The following SLCO6A1 variants were observed in gnomAD, a reference collection of about 807,000 sequenced individuals.
The protein encoded by SLCO6A1 is cancer/testis antigen 48.
A neutral mutation model predicts 72.7 loss-of-function variants in SLCO6A1; 65 were observed. That is an observed-to-expected ratio of 0.89 (90% CI 0.73 to 1.10). The LOEUF is 1.10. SLCO6A1 is among the 50% of genes least tolerant of loss of function. The pLI is 0.00. For synonymous variants in SLCO6A1, 314 were observed against 298.2 expected (o/e 1.05, Z -0.55); for missense variants, 874 against 872.6 (o/e 1.00, Z -0.02).
At chr5:102,426,943 G>T (rs1207812850) in intron 7 of SLCO6A1, among the ~76,000 whole-genome samples, 1 of 140,588 alleles carries the variant, frequency 7.1e-6, no homozygotes, top group Non-Finnish European at 1.5e-5. Flanking sequence ...CAGCCATAAA[G>T]AAGATTGAGT....
chr5:102,394,097 G>A (rs1297350332), intron 10 of SLCO6A1, among the ~76,000 whole-genome samples: 1 of 152,096 alleles, frequency 6.6e-6, no homozygotes, highest in Non-Finnish European at 1.5e-5. Context: ...TAGATGCCCA[G>A]TTCACCTCTG....
intron 8 of SLCO6A1, among the ~76,000 whole-genome samples, chr5:102,416,063 T>C (rs1054017819): frequency 3.9e-5 from 6 of 151,996 alleles, no homozygotes; most frequent in Admixed American, 3.3e-4. Context: ...ATAACAGATG[T>C]TAGAAAAGAT....
chr5:102,405,430 TAAAAC>T (rs1245131463), intron 9 of SLCO6A1, among the ~76,000 whole-genome samples: 2 of 151,786 alleles, frequency 1.3e-5, no homozygotes, highest in Non-Finnish European at 2.9e-5. Context: ...AATAGCTAGA[TAAAAC>T]AATATATATT....
At chr5:102,400,412 T>G (rs934476577) in intron 9 of SLCO6A1, among the ~76,000 whole-genome samples, 1 of 152,002 alleles carries the variant, frequency 6.6e-6, no homozygotes, top group African/African-American at 2.4e-5. Context: ...TATTAATTTT[T>G]TAGTGAAGAA....
At chr5:102,426,548 G>A (rs1398801797) in intron 7 of SLCO6A1, among the ~76,000 whole-genome samples, 1 of 152,182 alleles carries the variant, frequency 6.6e-6, no homozygotes, top group Non-Finnish European at 1.5e-5. Flanking sequence ...TTAGAGAAAT[G>A]CAAATCAAAA....
chr5:102,450,312 A>G (rs1211840751), intron 6 of SLCO6A1, among the ~76,000 whole-genome samples: 1 of 152,066 alleles, frequency 6.6e-6, no homozygotes, highest in Non-Finnish European at 1.5e-5. Flanking sequence ...TCATTTCTGG[A>G]TGTTTTCAGA....
Position 102,458,400 on chromosome 5 carries a change from A to C in SLCO6A1, c.1113T>G (p.Asp371Glu), listed in dbSNP as rs143921763. 13 of 1,611,210 alleles carry C rather than the reference A, an allele frequency of 8.1e-6. No individual in the cohort carries two copies. In the African/African-American group the frequency reaches 1.6e-4, roughly 20 times the overall value. ...KDLKLGTNIK[D>E]LCAALWILMK... Reference sequence around the variant, plus strand: ...ACTTTACCCAAAGAGCAGCACATAAATCCTTGATATTAGTTCCAAGTTTCA... The same window carrying C: ...ACTTTACCCAAAGAGCAGCACATAACTCCTTGATATTAGTTCCAAGTTTCA... The change falls in exon 6 of 14, where the codon GAT becomes GAG. Residue 371 changes from aspartate to glutamate, a missense_variant. Physicochemically the swap from Asp to Glu is conservative, Grantham distance 45. Transcript: ENST00000506729.
chr5:102,489,108 A>C (rs957546677), intron 1 of SLCO6A1, among the ~76,000 whole-genome samples: 12 of 152,210 alleles, frequency 7.9e-5, no homozygotes, highest in African/African-American at 2.9e-4. Flanking sequence ...GTCATCAAGA[A>C]ATTGAGCAAT....
At position 102,480,417 on chromosome 5, in the gene SLCO6A1, T is replaced by A. The variant is rs1246886744; in HGVS notation, c.376A>T (p.Ile126Leu). 6.2e-7 allele frequency: 1 copy of A among 1,612,660 alleles called. No individual in the cohort carries two copies. The highest frequency in any genetic ancestry group is 8.5e-7 in the Non-Finnish European group (1 of 1,179,362). The change falls in exon 2 of 14, where the codon ATA becomes TTA. Residue 126 changes from isoleucine to leucine, a missense_variant. Ile to Leu is a conservative substitution (Grantham distance 5, BLOSUM62 2). Transcript: ENST00000506729. Reference protein sequence around the residue: ...LICQGVVFGLIDVSIGDFQKE... With the variant: ...LICQGVVFGLLDVSIGDFQKE... ...TGAAAATCGCCAATGCTGACATCTA[T>A]AAGACCAAACACCACACCTAAAATG...
intron 6 of SLCO6A1, among the ~76,000 whole-genome samples, chr5:102,444,326 A>G (rs1580438168): frequency 1.3e-5 from 2 of 152,268 alleles, no homozygotes; most frequent in East Asian, 3.9e-4. Flanking sequence ...TCTTTCAAGC[A>G]TTGATTTACT....
At chr5:102,485,332 C>T (rs988332113) in intron 1 of SLCO6A1, among the ~76,000 whole-genome samples, 5 of 151,672 alleles carry the variant, frequency 3.3e-5, no homozygotes, top group African/African-American at 7.3e-5. Flanking sequence ...ACTGGCTCTT[C>T]GGTGGCTCCC....
intron 1 of SLCO6A1, 31 bp from the exon 2 acceptor site, chr5:102,480,465 C>T (rs17151033): frequency 0.058 from 91,952 of 1,579,456 alleles, 3,068 homozygotes; most frequent in African/African-American, 0.1. Context: ...GAGAAAACAA[C>T]GATATGCATT....
At chr5:102,484,737 C>G (rs528539995) in intron 1 of SLCO6A1, among the ~76,000 whole-genome samples, 1 of 152,070 alleles carries the variant, frequency 6.6e-6, no homozygotes, top group South Asian at 2.1e-4. Flanking sequence ...TAAAACATTT[C>G]CAAGCATTTT....
chr5:102,380,127 C>G (rs1277558052), intron 12 of SLCO6A1, among the ~76,000 whole-genome samples: 3 of 151,754 alleles, frequency 2.0e-5, no homozygotes, highest in Admixed American at 1.3e-4. Flanking sequence ...GATATGGGTG[C>G]TAATTACAGG....
intron 6 of SLCO6A1, among the ~76,000 whole-genome samples, chr5:102,451,231 C>T (rs751522896): frequency 6.6e-5 from 10 of 152,144 alleles, no homozygotes; most frequent in Non-Finnish European, 1.2e-4. Context: ...CAGGCCTGTC[C>T]GTTACCTCTG....
chr5:102,434,100 A>T (rs1749372841), intron 7 of SLCO6A1, among the ~76,000 whole-genome samples: 1 of 151,944 alleles, frequency 6.6e-6, no homozygotes, highest in African/African-American at 2.4e-5. Context: ...CATAACTACT[A>T]ATATATTTAT....
chr5:102,412,659 G>A (rs1741126124), intron 9 of SLCO6A1, among the ~76,000 whole-genome samples: 1 of 151,984 alleles, frequency 6.6e-6, no homozygotes, highest in South Asian at 2.1e-4. Context: ...TATCCTGTAG[G>A]CTGAGGTGGG....
At chr5:102,389,452 A>ACCCCCCCCCCCCCCCCC (rs1203152155) in intron 11 of SLCO6A1, among the ~76,000 whole-genome samples, 2 of 58,080 alleles carry the variant, frequency 3.4e-5, no homozygotes, top group Non-Finnish European at 3.3e-5. Context: ...CCCGCCCCCC[A>ACCCCCCCCCCCCCCCCC]CCCCCACACA....
At chr5:102,380,835 C>T (rs1322168689) in intron 12 of SLCO6A1, among the ~76,000 whole-genome samples, 2 of 151,942 alleles carry the variant, frequency 1.3e-5, no homozygotes, top group Non-Finnish European at 2.9e-5. Flanking sequence ...GCTCCTCTAA[C>T]GTATTAAGAG....
Sources: gnomAD v4.1 joint callset for allele counts (sites outside exome capture counted in the v4.1 genomes callset) on GRCh38, gnomAD v4.1.1 for gene constraint, MANE v1.5 for transcripts, NCBI Gene and HGNC (gene_info 2026-07-23, HGNC 2026-07-21) for gene names.